PTPRG: variants seen among roughly 807,000 people sequenced by gnomAD.
PTPRG encodes receptor-type tyrosine-protein phosphatase gamma.
PTPRG carries 102 observed loss-of-function variants against 165.3 expected under a neutral mutation model. The observed-to-expected ratio is 0.62, with a 90% CI of 0.53 to 0.73. PTPRG has a LOEUF of 0.73. PTPRG is among the 30% of genes least tolerant of loss of function. The pLI is 0.00. For synonymous variants in PTPRG, 675 were observed against 669.5 expected (o/e 1.01, Z -0.13); for missense variants, 1,866 against 1,861.4 (o/e 1.00, Z -0.05).
chr3:61,743,569 C>G (rs1236195812), intron 1 of PTPRG, among the ~76,000 whole-genome samples: 1 of 152,116 alleles, frequency 6.6e-6, no homozygotes, highest in Non-Finnish European at 1.5e-5. Flanking sequence ...GAGGAGAATG[C>G]AGCAATGTAC....
chr3:61,686,363 C>G (rs1350856383), intron 1 of PTPRG, among the ~76,000 whole-genome samples: 1 of 152,174 alleles, frequency 6.6e-6, no homozygotes, highest in Non-Finnish European at 1.5e-5. Flanking sequence ...GTTCTCTGTG[C>G]CAGGGTTCAT....
At chr3:61,986,246 C>CT (rs1238374653) in intron 2 of PTPRG, among the ~76,000 whole-genome samples, 3 of 151,452 alleles carry the variant, frequency 2.0e-5, no homozygotes, top group African/African-American at 7.3e-5. Flanking sequence ...TAAGGGCTTA[C>CT]TGTATGTGAG....
intron 4 of PTPRG, among the ~76,000 whole-genome samples, chr3:62,054,568 C>T (rs765027751): frequency 2.0e-5 from 3 of 152,118 alleles, no homozygotes; most frequent in Non-Finnish European, 4.4e-5. Flanking sequence ...CCTGACTTCA[C>T]CTGGTTGCCA....
chr3:62,033,317 G>T (rs1318573311), intron 4 of PTPRG, among the ~76,000 whole-genome samples: 1 of 151,224 alleles, frequency 6.6e-6, no homozygotes, highest in East Asian at 1.9e-4. Flanking sequence ...CTTCCTTGCT[G>T]AGATTTGGTA....
chr3:61,641,538 C>T (rs1015377830), intron 1 of PTPRG, among the ~76,000 whole-genome samples: 20 of 152,274 alleles, frequency 1.3e-4, no homozygotes, highest in African/African-American at 4.8e-4. Context: ...GAAGAATCAC[C>T]GAGTTAGTTC....
intron 2 of PTPRG, among the ~76,000 whole-genome samples, chr3:61,841,167 T>A (rs1338223228): frequency 1.3e-5 from 2 of 152,212 alleles, no homozygotes; most frequent in Non-Finnish European, 2.9e-5. Flanking sequence ...AACGTATATA[T>A]TGGGACCGTT....
At chr3:62,000,657 T>C (rs2041151698) in intron 3 of PTPRG, among the ~76,000 whole-genome samples, 1 of 152,248 alleles carries the variant, frequency 6.6e-6, no homozygotes, top group African/African-American at 2.4e-5. Flanking sequence ...AAATAGTATT[T>C]GAGCCACCCC....
chr3:61,818,614 T>C (rs1428195408), intron 2 of PTPRG, among the ~76,000 whole-genome samples: 2 of 151,950 alleles, frequency 1.3e-5, no homozygotes, highest in Non-Finnish European at 2.9e-5. Flanking sequence ...CAGTGAGTCA[T>C]GAACGTGGCA....
In PTPRG at chr3:62,269,148, C is replaced by T. The variant is rs139755568; in HGVS notation, c.2988C>T (p.Ile996=). The change falls in exon 20 of 30, where the codon ATC becomes ATT. Residue 996 remains isoleucine, a synonymous_variant. Transcript: ENST00000474889. ...HACYTVRRFS[I]RNTKVKKGQK... is the part of the protein sequence containing the mutation. ...GCTACACTGTTCGTCGTTTTTCAATCAGAAATACAAAAGTGAAAAAGGTAT... is the reference window on the plus strand; with the variant it reads ...GCTACACTGTTCGTCGTTTTTCAATTAGAAATACAAAAGTGAAAAAGGTAT... 164 of 1,585,982 alleles carry T rather than the reference C, an allele frequency of 1.0e-4. No individual in the cohort carries two copies. Among genetic ancestry groups the T allele is most frequent in the Non-Finnish European group, 1.2e-4 (141 of 1,160,276 alleles).
rs144774566 is a variant in PTPRG at position 61,616,580 on chromosome 3, C to T, written c.85+54208C>T. Among the ~76,000 whole-genome samples, 742 of 152,272 alleles carry T rather than the reference C, an allele frequency of 4.9e-3. 3 individuals carry two copies. The highest frequency in any genetic ancestry group is 6.8e-3 in the Non-Finnish European group (462 of 68,012). ...CAACTCCCTCAAACACCAACCTCCA[C>T]GCCAAGCCCTTCTCCCTGCCATATA... On this transcript the variant is annotated intron_variant, in intron 1 of 29. Coordinates refer to ENST00000474889, the MANE Select transcript of PTPRG (RefSeq NM_002841.4).
intron 2 of PTPRG, among the ~76,000 whole-genome samples, chr3:61,757,513 A>G (rs1489061492): frequency 1.3e-5 from 2 of 152,178 alleles, no homozygotes; most frequent in Non-Finnish European, 2.9e-5. Context: ...TTTTAGGTGA[A>G]ACATTGTCAG....
intron 4 of PTPRG, among the ~76,000 whole-genome samples, chr3:62,077,804 G>T (rs1701437925): frequency 6.6e-6 from 1 of 152,040 alleles, no homozygotes; most frequent in African/African-American, 2.4e-5. Context: ...AAGAGTTCAA[G>T]ACCAGCCTGG....
chr3:62,220,270 A>C (rs1420474683), intron 13 of PTPRG, among the ~76,000 whole-genome samples: 1 of 152,242 alleles, frequency 6.6e-6, no homozygotes. Context: ...CTTTCACTCG[A>C]AGATGAGTAG....
At position 62,281,828 on chromosome 3, in the gene PTPRG, A is replaced by G. The variant is rs1702461975; in HGVS notation, c.3912+119A>G. The stretch of plus-strand genomic sequence containing the variant: ...GGCTCAGGCATTTGAGTAAGACTTA[A>G]TTTTAAATATGTACATTTTCCGTTT... On this transcript the variant is annotated intron_variant, in intron 27 of 29. Coordinates refer to ENST00000474889, the MANE Select transcript of PTPRG (RefSeq NM_002841.4). 6.1e-6 allele frequency: 6 copies of G among 976,498 alleles called. No homozygotes were observed. The East Asian group carries it at 1.5e-4, about 24-fold the overall frequency. 60.5% of individuals were successfully genotyped at this position (976,498 alleles called of 1,614,324 possible).
At position 62,228,695 on chromosome 3, in the gene PTPRG, T is replaced by A. The variant is rs1056266524; in HGVS notation, c.2289-2530T>A. ...CAAAGTCCACTGTTAACGGGTAGAA[T>A]CAGATTCTTTTCTGGAAGATTCTAC... is the stretch of plus-strand genomic sequence containing the variant. On this transcript the variant is annotated intron_variant, in intron 13 of 29. Transcript: ENST00000474889. This position sits in a 1 kb window ranked among gnomAD's most constrained non-coding sequence, Gnocchi z 4.1. 6.6e-5 allele frequency among the ~76,000 whole-genome samples: 10 copies of A among 152,168 alleles called. No homozygotes were observed. Among genetic ancestry groups the A allele is most frequent in the Admixed American group, 6.5e-4 (10 of 15,278 alleles).
At chr3:61,828,489 C>T (rs539782391) in intron 2 of PTPRG, among the ~76,000 whole-genome samples, 68 of 152,282 alleles carry the variant, frequency 4.5e-4, no homozygotes, top group African/African-American at 1.4e-3. Context: ...GTGTTTTGCA[C>T]GTAGTCTTTC....
chr3:62,293,131 G>C (rs1263059896), intron 29 of PTPRG, 30 bp from the exon 30 acceptor site: 1 of 1,509,734 alleles, frequency 6.6e-7, no homozygotes, highest in Non-Finnish European at 8.9e-7. Context: ...ACTGTTCTTT[G>C]GCTCAAACTG....
At chr3:61,834,287 T>C (rs2036395884) in intron 2 of PTPRG, among the ~76,000 whole-genome samples, 2 of 152,218 alleles carry the variant, frequency 1.3e-5, no homozygotes, top group Non-Finnish European at 2.9e-5. Context: ...TGTCAAGTTT[T>C]TTCATATAAA....
intron 1 of PTPRG, among the ~76,000 whole-genome samples, chr3:61,718,981 C>T (rs976306087): frequency 3.1e-4 from 47 of 152,120 alleles, no homozygotes; most frequent in Admixed American, 1.4e-3. Flanking sequence ...AATGGATTGT[C>T]CCCAACAATC....
Sources: allele counts gnomAD v4.1 joint callset (sites outside exome capture counted in the v4.1 genomes callset), GRCh38; gene constraint gnomAD v4.1.1; non-coding constraint Gnocchi (gnomAD v3.1); transcripts MANE v1.5; gene names NCBI Gene and HGNC (gene_info 2026-07-23, HGNC 2026-07-21).